ECSIT: variants seen among roughly 807,000 people sequenced by gnomAD.
The protein encoded by ECSIT is ECSIT signaling integrator.
Under a neutral mutation model 36.8 loss-of-function variants are expected in ECSIT, and 29 were observed. The ratio of observed to expected loss-of-function variants is 0.79; its 90% confidence interval spans 0.59 to 1.08. The LOEUF is 1.08. ECSIT is among the 50% of genes least tolerant of loss of function. The pLI is 0.00. For missense variants in ECSIT, 542 were observed against 581.0 expected, an observed-to-expected ratio of 0.93 and a Z score of 0.69; for synonymous variants, 231 against 234.8, an observed-to-expected ratio of 0.98 and a Z score of 0.15.
intron 1 of ECSIT, among the ~76,000 whole-genome samples, chr19:11,525,195 C>T (rs1211550517): frequency 1.3e-5 from 2 of 151,162 alleles, no homozygotes; most frequent in Admixed American, 6.6e-5. Context: ...TTCATATGCA[C>T]CTAGGATTAA....
intron 1 of ECSIT, among the ~76,000 whole-genome samples, chr19:11,524,550 C>T (rs1279162006): frequency 6.6e-6 from 1 of 151,772 alleles, no homozygotes; most frequent in Non-Finnish European, 1.5e-5. Context: ...ATAGAGCACC[C>T]CACTGAAGGC....
intron 2 of ECSIT, among the ~76,000 whole-genome samples, chr19:11,518,421 C>T (rs917286544): frequency 2.0e-5 from 3 of 151,096 alleles, no homozygotes; most frequent in Non-Finnish European, 3.0e-5. Context: ...GAGCAAAATT[C>T]CATCTAAAAA....
intron 1 of ECSIT, chr19:11,522,186 C>A (rs1038755094): frequency 6.0e-6 from 3 of 500,866 alleles, no homozygotes; most frequent in Non-Finnish European, 1.1e-5. Flanking sequence ...GTACCGCCTG[C>A]GGGTGAAGAA....
At chr19:11,512,374 T>C (rs1971888250) in intron 4 of ECSIT, among the ~76,000 whole-genome samples, 1 of 151,656 alleles carries the variant, frequency 6.6e-6, no homozygotes, top group Non-Finnish European at 1.5e-5. Context: ...CTGAGGGGCT[T>C]GTTTGCCCCT....
chr19:11,509,433 T>C (rs1010738289), intron 4 of ECSIT, among the ~76,000 whole-genome samples: 1 of 151,516 alleles, frequency 6.6e-6, no homozygotes, highest in East Asian at 1.9e-4. Context: ...AGTGGACAGC[T>C]ATTAGAACAT....
chr19:11,527,321 C>CTAAA (rs1050042340), intron 1 of ECSIT, among the ~76,000 whole-genome samples: 1 of 152,008 alleles, frequency 6.6e-6, no homozygotes, highest in Non-Finnish European at 1.5e-5. Flanking sequence ...GATTCCATCG[C>CTAAA]TAAATAAATA....
At chr19:11,512,489 G>C (rs1971890291) in intron 4 of ECSIT, among the ~76,000 whole-genome samples, 1 of 152,172 alleles carries the variant, frequency 6.6e-6, no homozygotes, top group African/African-American at 2.4e-5. Flanking sequence ...CCAGCCTCTA[G>C]AACTGTGAGC....
chr19:11,509,178 T>C (rs986939489), intron 4 of ECSIT, among the ~76,000 whole-genome samples: 12 of 151,544 alleles, frequency 7.9e-5, no homozygotes, highest in African/African-American at 2.9e-4. Context: ...GTTCAAGTGA[T>C]TCTGCTGCCT....
chr19:11,513,768 C>A, intron 3 of ECSIT, 36 bp downstream of exon 3: 2 of 1,611,408 alleles, frequency 1.2e-6, no homozygotes, highest in Non-Finnish European at 1.7e-6. Flanking sequence ...ATCAGTGTAG[C>A]CCACTCCCCA....
intron 2 of ECSIT, among the ~76,000 whole-genome samples, chr19:11,514,523 T>G (rs1262242918): frequency 6.6e-6 from 1 of 151,824 alleles, no homozygotes; most frequent in African/African-American, 2.4e-5. Context: ...TTTGGGTTTT[T>G]TTTTTTGGTT....
rs755286646 is a variant in ECSIT, at chr19:11,513,892, C to A, written c.426G>T (p.Arg142=). 1.8e-5 allele frequency: 29 copies of A among 1,614,082 alleles called. No individual in the cohort carries two copies. Among genetic ancestry groups the A allele is most frequent in the Non-Finnish European group, 2.3e-5 (27 of 1,180,038 alleles). ...LLNIFPKEVF[R]PRNIIQRIFV... is the part of the protein sequence containing the mutation. ...AGATGCGCTGGATGATGTTGCGAGG[C>A]CGGAAGACCTCCTTGGGGAAGATGT... The change falls in exon 3 of 8, where the codon CGG becomes CGT. Residue 142 remains arginine (R), a synonymous_variant. Coordinates refer to ENST00000270517, the MANE Select transcript of ECSIT (RefSeq NM_016581.5).
In ECSIT at chr19:11,513,172, T is replaced by C. The variant is rs1005197224; in HGVS notation, c.622A>G (p.Met208Val). ...GGCACTGGGAAGGGGTTGACGTTCA[T>C]GAATCGAGGGAACCACAGCTTCAGG... Reference protein sequence around the residue: ...VRLKLWFPRFMNVNPFPVPRD... With the variant: ...VRLKLWFPRFVNVNPFPVPRD... The change falls in exon 4 of 8, where the codon ATG becomes GTG. Residue 208 changes from methionine (M) to valine (V), a missense_variant. By Grantham distance (21) the Met-to-Val change is conservative. Coordinates refer to ENST00000270517, the MANE Select transcript of ECSIT (RefSeq NM_016581.5). The C allele has an allele frequency of 1.9e-6, 3 of 1,614,166 alleles. No homozygotes were observed. The highest frequency in any genetic ancestry group is 2.5e-6 in the Non-Finnish European group (3 of 1,180,040).
At chr19:11,526,363 C>T (rs756970529) in intron 1 of ECSIT, among the ~76,000 whole-genome samples, 14 of 152,150 alleles carry the variant, frequency 9.2e-5, no homozygotes, top group Non-Finnish European at 2.1e-4. Flanking sequence ...CACCTCAATC[C>T]CTGGGCCCCA....
intron 3 of ECSIT, 149 bp downstream of exon 3, chr19:11,513,655 T>C: frequency 4.5e-6 from 4 of 896,588 alleles, no homozygotes; most frequent in Non-Finnish European, 1.7e-6. Flanking sequence ...GAAAGAGAGA[T>C]GAGTGATGAA....
At chr19:11,523,888 C>T in intron 1 of ECSIT, 1 of 441,064 alleles carries the variant, frequency 2.3e-6, no homozygotes, top group South Asian at 1.9e-5. Flanking sequence ...TATGTAATCA[C>T]TGAGACCTCT....
intron 7 of ECSIT, 101 bp from the exon 8 acceptor site, chr19:11,506,529 C>T (rs1311711247): frequency 5.9e-5 from 40 of 678,372 alleles, no homozygotes; most frequent in South Asian, 1.7e-4. Flanking sequence ...CTTCCACTTC[C>T]TTTTTTTTTT....
At chr19:11,514,616 G>C (rs1219703203) in intron 2 of ECSIT, among the ~76,000 whole-genome samples, 1 of 151,136 alleles carries the variant, frequency 6.6e-6, no homozygotes, top group African/African-American at 2.4e-5. Flanking sequence ...TTCAACTCCT[G>C]GGCTCAAGCA....
Position 11,506,189 on chromosome 19 carries a change from T to G in ECSIT, c.1291A>C (p.Ser431Arg), listed in dbSNP as rs1452190508. 1 of 1,605,148 alleles carries G rather than the reference T, an allele frequency of 6.2e-7. No individual in the cohort carries two copies. The highest frequency in any genetic ancestry group is 8.5e-7 in the Non-Finnish European group (1 of 1,179,914). ...TGCCCTCGCGCCGGCTCAGACTAGC[T>G]CTGGCCCTGCTGCTGTCGCTGCAGG... Reference protein sequence around the residue: ...DNLQRQQQGQS With the variant: ...DNLQRQQQGQR The change falls in exon 8 of 8, where the codon AGC becomes CGC. Residue 431 changes from serine to arginine, a missense_variant. Ser to Arg is a moderately radical substitution (Grantham distance 110). Transcript: ENST00000270517.
chr19:11,522,454 C>A, intron 1 of ECSIT: 1 of 1,459,996 alleles, frequency 6.8e-7, no homozygotes, highest in Non-Finnish European at 9.5e-7. Context: ...GCGCCATCAG[C>A]ACAAGCCACG....
Sources: allele counts gnomAD v4.1 joint callset (sites outside exome capture counted in the v4.1 genomes callset), GRCh38; gene constraint gnomAD v4.1.1; transcripts MANE v1.5; gene names NCBI Gene and HGNC (gene_info 2026-07-23, HGNC 2026-07-21).